The following ASTN1 variants were observed in gnomAD, a reference collection of about 807,000 sequenced individuals.
ASTN1 encodes astrotactin-1.
Under a neutral mutation model 140.7 loss-of-function variants are expected in ASTN1, and 41 were observed. The ratio of observed to expected loss-of-function variants is 0.29; its 90% CI spans 0.23 to 0.38. The LOEUF (loss-of-function observed/expected upper bound fraction) is 0.38. Among genes scored for constraint, ASTN1 ranks in the 10% least tolerant of loss-of-function variants. ASTN1 has a pLI of 1.00. For missense variants in ASTN1, 1,479 were observed against 1,678.8 expected, an observed-to-expected ratio of 0.88 and a Z score of 2.08; for synonymous variants, 640 against 652.2, an observed-to-expected ratio of 0.98 and a Z score of 0.29.
chr1:176,864,002 AT>A lies in ASTN1; in HGVS notation c.*281del, dbSNP rs1668049088. Reference sequence around the variant, plus strand: ...TGGTAAACTTCTCAGGGAAAAAAAAATGAATGGAACAAATTAATGGCAAAGC... The same window carrying A: ...TGGTAAACTTCTCAGGGAAAAAAAAAGAATGGAACAAATTAATGGCAAAGC... On this transcript the variant is annotated 3_prime_UTR_variant, in exon 23 of 23. Transcript: ENST00000361833. 1.7e-6 allele frequency: 2 copies of A among 1,184,212 alleles called. No individual in the cohort carries two copies. The highest frequency in any genetic ancestry group is 8.6e-5 in the Admixed American group (2 of 23,156). The allele number at this position is 1,184,212 out of a possible 1,614,324, so 73.4% of individuals were successfully genotyped here. A position where few individuals can be genotyped will look rare whatever the true frequency, so the allele number is the denominator to read the frequency against.
chr1:177,050,230 C>G (rs1334515848), intron 2 of ASTN1, among the ~76,000 whole-genome samples: 1 of 152,162 alleles, frequency 6.6e-6, no homozygotes, highest in Non-Finnish European at 1.5e-5. Flanking sequence ...TCATAAGCAT[C>G]TGATGATTGA....
At chr1:176,919,959 T>C (rs1377662248) in intron 16 of ASTN1, among the ~76,000 whole-genome samples, 1 of 152,224 alleles carries the variant, frequency 6.6e-6, no homozygotes, top group Non-Finnish European at 1.5e-5. Context: ...AAGCACATAT[T>C]TTAACTGGCA....
intron 5 of ASTN1, 34 bp from the exon 6 acceptor site, chr1:177,024,766 T>C (rs1312824844): frequency 6.3e-7 from 1 of 1,598,500 alleles, no homozygotes. Flanking sequence ...TACATGGTGG[T>C]AAAAAGCTTG....
chr1:177,100,596 T>G lies in ASTN1; in HGVS notation c.284-39331A>C, dbSNP rs190225329. On this transcript the variant is annotated intron_variant, in intron 1 of 22. Transcript: ENST00000361833. Reference sequence around the variant, plus strand: ...TGGAAAATATTTTGCCTTCAGGAGTTTAGGATGAGACAAAATTACCACTGG... The same window carrying G: ...TGGAAAATATTTTGCCTTCAGGAGTGTAGGATGAGACAAAATTACCACTGG... Among the ~76,000 whole-genome samples, 1,192 of 151,938 alleles carry G rather than the reference T, an allele frequency of 7.8e-3. 13 individuals carry two copies. Among genetic ancestry groups the G allele is most frequent in the Non-Finnish European group, 9.3e-3 (629 of 67,882 alleles).
chr1:176,904,906 T>A (rs1356658852), intron 16 of ASTN1, among the ~76,000 whole-genome samples: 3 of 152,194 alleles, frequency 2.0e-5, no homozygotes, highest in Non-Finnish European at 4.4e-5. Flanking sequence ...GAATTAGTGC[T>A]GCTTTTCTCT....
chr1:176,894,533 C>T (rs1172335854), intron 17 of ASTN1, 29 bp downstream of exon 17: 3 of 1,608,328 alleles, frequency 1.9e-6, no homozygotes, highest in East Asian at 2.2e-5. Flanking sequence ...GTTGACGCCT[C>T]CCAGAGCCAA....
chr1:176,932,867 GA>G (rs1671266042), intron 16 of ASTN1, among the ~76,000 whole-genome samples: 1 of 152,192 alleles, frequency 6.6e-6, no homozygotes, highest in Non-Finnish European at 1.5e-5. Flanking sequence ...CTGGCAAACA[GA>G]AATAGAAGAG....
At chr1:176,914,524 A>G (rs904724033) in intron 16 of ASTN1, among the ~76,000 whole-genome samples, 2 of 152,200 alleles carry the variant, frequency 1.3e-5, no homozygotes, top group Admixed American at 1.3e-4. Flanking sequence ...TAATTTACAT[A>G]AATAGGCTAG....
chr1:177,099,850 T>G (rs1487656849), intron 1 of ASTN1, among the ~76,000 whole-genome samples: 1 of 152,212 alleles, frequency 6.6e-6, no homozygotes, highest in East Asian at 1.9e-4. Flanking sequence ...CTTTCTAAGC[T>G]ATGGAGAAAA....
intron 8 of ASTN1, among the ~76,000 whole-genome samples, chr1:176,967,631 T>C (rs193287484): frequency 6.6e-6 from 1 of 152,318 alleles, no homozygotes; most frequent in Admixed American, 6.5e-5. Context: ...AGGAGCCAAA[T>C]GACTGGCATT....
At chr1:176,934,000 A>T (rs931818576) in intron 16 of ASTN1, 152 bp downstream of exon 16, 1 of 846,168 alleles carries the variant, frequency 1.2e-6, no homozygotes, top group East Asian at 2.9e-5. Flanking sequence ...TTTGCAACCA[A>T]ACCTTGGAAA....
At chr1:177,012,983 G>A (rs1399207538) in intron 8 of ASTN1, among the ~76,000 whole-genome samples, 1 of 152,118 alleles carries the variant, frequency 6.6e-6, no homozygotes, top group African/African-American at 2.4e-5. Context: ...TAAAATTTTG[G>A]ATCCCCAGAA....
intron 1 of ASTN1, among the ~76,000 whole-genome samples, chr1:177,123,992 A>G (rs563746684): frequency 1.3e-5 from 2 of 152,210 alleles, no homozygotes; most frequent in Non-Finnish European, 2.9e-5. Flanking sequence ...AAGGGCATTT[A>G]ATTCTGTTCT....
At chr1:177,100,129 T>C (rs1419638835) in intron 1 of ASTN1, among the ~76,000 whole-genome samples, 1 of 152,116 alleles carries the variant, frequency 6.6e-6, no homozygotes, top group East Asian at 1.9e-4. Context: ...CACACTCTAC[T>C]ATAAACCCCC....
intron 1 of ASTN1, among the ~76,000 whole-genome samples, chr1:177,122,770 ATCC>A (rs1681465877): frequency 6.6e-6 from 1 of 152,190 alleles, no homozygotes; most frequent in African/African-American, 2.4e-5. Context: ...GACAGGAATT[ATCC>A]TCCTTATTTC....
intron 8 of ASTN1, among the ~76,000 whole-genome samples, chr1:177,002,856 A>C (rs1674800926): frequency 6.6e-6 from 1 of 152,164 alleles, no homozygotes; most frequent in African/African-American, 2.4e-5. Flanking sequence ...CTATTCACAC[A>C]AACTAGAAAA....
intron 8 of ASTN1, among the ~76,000 whole-genome samples, chr1:177,007,504 G>A (rs1484461213): frequency 2.6e-5 from 4 of 152,240 alleles, no homozygotes; most frequent in Non-Finnish European, 4.4e-5. Flanking sequence ...ATGCCTTCTC[G>A]AGGCGTCTGG....
chr1:177,037,792 T>C (rs536402248), intron 2 of ASTN1, among the ~76,000 whole-genome samples: 1 of 152,344 alleles, frequency 6.6e-6, no homozygotes, highest in East Asian at 1.9e-4. Flanking sequence ...GTTTGGGGTA[T>C]ATGAGAAACC....
intron 8 of ASTN1, among the ~76,000 whole-genome samples, chr1:177,002,726 G>T (rs1388185883): frequency 6.6e-6 from 1 of 152,144 alleles, no homozygotes. Context: ...AGAATCCATT[G>T]TACTGGCATA....
Sources: gnomAD v4.1 joint callset for allele counts (sites outside exome capture counted in the v4.1 genomes callset) on GRCh38, gnomAD v4.1.1 for gene constraint, MANE v1.5 for transcripts, NCBI Gene and HGNC (gene_info 2026-07-23, HGNC 2026-07-21) for gene names.